CEACAM18: variants seen among roughly 807,000 people sequenced by gnomAD.
CEACAM18 encodes CEA cell adhesion molecule 18.
CEACAM18 carries 33 observed loss-of-function variants against 34.3 expected under a neutral mutation model. The ratio of observed to expected loss-of-function variants is 0.96; its 90% CI spans 0.73 to 1.29. The LOEUF (loss-of-function observed/expected upper bound fraction) is 1.29, where lower values mean the gene tolerates loss of function less well. CEACAM18 is among the 50% of genes most tolerant of loss of function. The pLI, the probability that CEACAM18 is intolerant of heterozygous loss-of-function variation, is 0.00. For synonymous variants in CEACAM18, 169 were observed against 180.9 expected (o/e 0.93, Z 0.53); for missense variants, 474 against 485.0 (o/e 0.98, Z 0.21).
chr19:51,485,167 C>G, intron 5 of CEACAM18, 45 bp downstream of exon 5: 1 of 1,457,696 alleles, frequency 6.9e-7, no homozygotes, highest in Non-Finnish European at 9.0e-7. Flanking sequence ...TGGCTGGGGG[C>G]TGGGACTCAG....
At chr19:51,480,277 G>A (rs1568522970) in intron 1 of CEACAM18, 56 bp from the exon 2 acceptor site, 1 of 1,368,416 alleles carries the variant, frequency 7.3e-7, no homozygotes. Flanking sequence ...TGTCTTCTCA[G>A]CCAGTCTGAA....
At chr19:51,481,959 G>A (rs1464575340) in intron 3 of CEACAM18, among the ~76,000 whole-genome samples, 5 of 152,252 alleles carry the variant, frequency 3.3e-5, no homozygotes, top group East Asian at 3.9e-4. Context: ...GTAAAGAGGG[G>A]ACTACTGAAT....
exon 2 of CEACAM18, chr19:51,480,558 G>A: frequency 6.2e-7 from 1 of 1,614,022 alleles, no homozygotes; most frequent in Non-Finnish European, 8.5e-7. Flanking sequence ...GGCAGGGAGA[G>A]AGTGAACAGA....
chr19:51,485,146 G>A (rs1568524881), intron 5 of CEACAM18, 24 bp downstream of exon 5: 3 of 1,478,828 alleles, frequency 2.0e-6, no homozygotes, highest in Non-Finnish European at 2.7e-6. Flanking sequence ...TCTGGGACAA[G>A]GGTGGGATGT....
chr19:51,482,577 C>A (rs1280503022), intron 3 of CEACAM18, among the ~76,000 whole-genome samples: 1 of 152,172 alleles, frequency 6.6e-6, no homozygotes, highest in Non-Finnish European at 1.5e-5. Context: ...TGCTCCCAGG[C>A]CCTGAGACTG....
chr19:51,485,121 A>T, exon 5 of CEACAM18: 1 of 1,507,216 alleles, frequency 6.6e-7, no homozygotes, highest in Non-Finnish European at 8.8e-7. Context: ...CTACTCAATC[A>T]GGTGCCCTCA....
chr19:51,478,789 C>T, intron 1 of CEACAM18, 95 bp downstream of exon 1: 2 of 872,852 alleles, frequency 2.3e-6, no homozygotes, highest in Non-Finnish European at 3.2e-6. Flanking sequence ...CATCCCCATC[C>T]ACGGGCACAT....
chr19:51,482,453 C>T (rs1251621036), intron 3 of CEACAM18, among the ~76,000 whole-genome samples: 2 of 152,190 alleles, frequency 1.3e-5, no homozygotes, highest in Admixed American at 1.3e-4. Flanking sequence ...GGCACCCATC[C>T]TGTGGAAGGT....
chr19:51,480,680 G>A (rs765381975), exon 2 of CEACAM18: 1 of 1,609,248 alleles, frequency 6.2e-7, no homozygotes, highest in Non-Finnish European at 8.5e-7. Flanking sequence ...GGAGGTTCTA[G>A]GTGGGTTAGC....
chr19:51,483,036 GC>G lies in CEACAM18; in HGVS notation c.694del (p.Leu232Ter), dbSNP rs1989943080. The G allele has an allele frequency of 6.2e-7, 1 of 1,613,872 alleles. No individual in the cohort carries two copies. The highest frequency in any genetic ancestry group is 8.5e-7 in the Non-Finnish European group (1 of 1,179,894). On this transcript the variant is annotated frameshift_variant, in exon 4 of 6. Coordinates refer to ENST00000396477, the Ensembl canonical transcript of CEACAM18. LOFTEE classifies it high-confidence loss of function. ...CTACAGATGGGCCCGACTATGTGCT[GC>G]TGAGGAGCAATCCTGATGATTTCAA...
In CEACAM18 at chr19:51,488,607, G is replaced by A. The variant is rs577816260; in HGVS notation, c.1090-1980G>A. Among the ~76,000 whole-genome samples the A allele has an allele frequency of 2.6e-5, 4 of 152,350 alleles. No individual in the cohort carries two copies. In the South Asian group the frequency reaches 6.2e-4, roughly 24 times the overall value. On this transcript the variant is annotated intron_variant, in intron 5 of 5. Coordinates refer to ENST00000396477, the Ensembl canonical transcript of CEACAM18. Reference sequence around the variant, plus strand: ...GGCTAGTCTTCAAGAGAGGTCTCAAGACAAAAGGTCTCAGAGAATTCAGCT... The same window carrying A: ...GGCTAGTCTTCAAGAGAGGTCTCAAAACAAAAGGTCTCAGAGAATTCAGCT...
chr19:51,478,778 C>T (rs1169386215), intron 1 of CEACAM18, 84 bp downstream of exon 1: 13 of 986,894 alleles, frequency 1.3e-5, no homozygotes, highest in Non-Finnish European at 1.8e-5. Flanking sequence ...GGGGCTGGGA[C>T]CATCCCCATC....
chr19:51,478,670 C>CTG lies in CEACAM18; in HGVS notation c.31_32dup (p.Trp11CysfsTer63). The CTG allele has an allele frequency of 6.7e-7, 1 of 1,493,810 alleles. No homozygotes were observed. Among genetic ancestry groups the CTG allele is most frequent in the Non-Finnish European group, 8.9e-7 (1 of 1,118,106 alleles). 92.5% of individuals were successfully genotyped at this position (1,493,810 alleles called of 1,614,324 possible). ...GGACCTTTCCAGACCCAGATGGAGC[C>CTG]TGTGGAGGAGGGTCTTCCTCATGGG... On this transcript the variant is annotated frameshift_variant, in exon 1 of 6. Coordinates refer to ENST00000396477, the Ensembl canonical transcript of CEACAM18. LOFTEE classifies it high-confidence loss of function.
chr19:51,480,041 C>G (rs1246493386), intron 1 of CEACAM18, among the ~76,000 whole-genome samples: 1 of 152,026 alleles, frequency 6.6e-6, no homozygotes, highest in Non-Finnish European at 1.5e-5. Context: ...AGAACAGGGT[C>G]GCAACTTGGG....
chr19:51,484,970 G>A lies in CEACAM18; in HGVS notation c.954-17G>A, dbSNP rs2122188359. On this transcript the variant is annotated splice_polypyrimidine_tract_variant and intron_variant, in intron 4 of 5. Transcript: ENST00000396477. ...GGTCAATCGTGGTCCTGACCCCCAG[G>A]TGTCCTCTTCCTTCAGGGATCTTAC... 1.3e-6 allele frequency: 2 copies of A among 1,536,078 alleles called. No individual in the cohort carries two copies. The highest frequency in any genetic ancestry group is 1.7e-4 in the Middle Eastern group (1 of 5,986).
intron 1 of CEACAM18, among the ~76,000 whole-genome samples, chr19:51,479,209 G>A (rs1989865461): frequency 6.6e-6 from 1 of 152,078 alleles, no homozygotes; most frequent in African/African-American, 2.4e-5. Context: ...TCCTTGAACA[G>A]GTCCAGTGTG....
chr19:51,485,949 T>G (rs1484231759), intron 5 of CEACAM18, among the ~76,000 whole-genome samples: 1 of 152,188 alleles, frequency 6.6e-6, no homozygotes, highest in Non-Finnish European at 1.5e-5. Flanking sequence ...TTGCCCTGGT[T>G]GAGAGTCAGT....
exon 1 of CEACAM18, chr19:51,478,640 C>T (rs1268135553): frequency 2.6e-6 from 4 of 1,558,828 alleles, no homozygotes; most frequent in Non-Finnish European, 3.5e-6. Context: ...CCCCAGGCAG[C>T]TCATGGACCT....
Position 51,478,695 on chromosome 19 carries a change from G to A in CEACAM18, c.52+1G>A, listed in dbSNP as rs2122177554. 10 of 1,449,622 alleles carry A rather than the reference G, an allele frequency of 6.9e-6. No homozygotes were observed. The highest frequency in any genetic ancestry group is 9.1e-6 in the Non-Finnish European group (10 of 1,093,870). The allele number at this position is 1,449,622 out of a possible 1,614,324, so 89.8% of individuals were successfully genotyped here. On this transcript the variant is annotated splice_donor_variant, in intron 1 of 5. Coordinates refer to ENST00000396477, the Ensembl canonical transcript of CEACAM18. LOFTEE classifies it high-confidence loss of function. ...CTGTGGAGGAGGGTCTTCCTCATGG[G>A]TAAGAGATGCTGGATGCTGGATGAG...
Sources: gnomAD v4.1 joint callset for allele counts (sites outside exome capture counted in the v4.1 genomes callset) on GRCh38, gnomAD v4.1.1 for gene constraint, MANE v1.5 for transcripts, NCBI Gene and HGNC (gene_info 2026-07-23, HGNC 2026-07-21) for gene names.